The following TTC29 variants were observed in gnomAD, a reference collection of about 807,000 sequenced individuals.
The protein encoded by TTC29 is tetratricopeptide repeat domain 29.
A neutral mutation model predicts 58.1 loss-of-function variants in TTC29; 49 were observed. That is an observed-to-expected ratio of 0.84 (90% confidence interval 0.67 to 1.07). The LOEUF is 1.07. Among genes scored for constraint, TTC29 ranks in the 50% least tolerant of loss-of-function variants. The pLI, the probability that TTC29 is intolerant of heterozygous loss-of-function variation, is 0.00. For missense variants in TTC29, 582 were observed against 555.6 expected, an observed-to-expected ratio of 1.05 and a Z score of -0.48; for synonymous variants, 209 against 196.8, an observed-to-expected ratio of 1.06 and a Z score of -0.52.
chr4:146,844,030 AT>A (rs1430396529), intron 8 of TTC29, among the ~76,000 whole-genome samples: 13 of 152,200 alleles, frequency 8.5e-5, no homozygotes, highest in Non-Finnish European at 1.6e-4. Flanking sequence ...AAAATAGCAA[AT>A]TTTTGTTTTA....
Position 146,890,244 on chromosome 4 carries a change from G to C in TTC29, c.586+13300C>G, listed in dbSNP as rs1288717841. 2.0e-5 allele frequency among the ~76,000 whole-genome samples: 3 copies of C among 152,112 alleles called. No homozygotes were observed. The South Asian group carries it at 6.2e-4, about 32-fold the overall frequency. On this transcript the variant is annotated intron_variant, in intron 6 of 12. Transcript: ENST00000325106. Reference sequence around the variant, plus strand: ...GAGGTCACATTCATAAGTACTGGGGGTTAAGAGCTCAACATCTTTTAAGGG... The same window carrying C: ...GAGGTCACATTCATAAGTACTGGGGCTTAAGAGCTCAACATCTTTTAAGGG...
chr4:146,729,273 G>A (rs1020052629), intron 11 of TTC29, among the ~76,000 whole-genome samples: 2 of 151,886 alleles, frequency 1.3e-5, no homozygotes, highest in Non-Finnish European at 1.5e-5. Flanking sequence ...TTTCATTTAC[G>A]TTTCTCCTAA....
intron 7 of TTC29, among the ~76,000 whole-genome samples, chr4:146,868,724 G>T (rs956799507): frequency 1.3e-5 from 2 of 152,094 alleles, no homozygotes; most frequent in African/African-American, 4.8e-5. Flanking sequence ...TAATGCAAAT[G>T]CTGAGTGATC....
At chr4:146,868,240 G>A (rs555337770) in intron 7 of TTC29, among the ~76,000 whole-genome samples, 62 of 152,232 alleles carry the variant, frequency 4.1e-4, no homozygotes, top group African/African-American at 1.5e-3. Flanking sequence ...GGGGAGTGGG[G>A]AGGGGTAGCA....
At chr4:146,709,787 C>T (rs532186561) in intron 11 of TTC29, among the ~76,000 whole-genome samples, 18 of 152,206 alleles carry the variant, frequency 1.2e-4, no homozygotes, top group African/African-American at 4.1e-4. Flanking sequence ...TTTCTGGCTT[C>T]ATAGAGGAAA....
chr4:146,788,464 T>A (rs1361093050), intron 11 of TTC29, among the ~76,000 whole-genome samples: 1 of 152,198 alleles, frequency 6.6e-6, no homozygotes, highest in Non-Finnish European at 1.5e-5. Flanking sequence ...ACATCAAATG[T>A]GCCAGATTGG....
intron 8 of TTC29, among the ~76,000 whole-genome samples, chr4:146,837,983 A>G (rs1204473070): frequency 6.6e-6 from 1 of 152,048 alleles, no homozygotes; most frequent in Non-Finnish European, 1.5e-5. Flanking sequence ...CAAAGTTACC[A>G]AAGTTGGCAA....
intron 7 of TTC29, among the ~76,000 whole-genome samples, chr4:146,869,376 CCT>C (rs1730784352): frequency 6.6e-6 from 1 of 152,070 alleles, no homozygotes; most frequent in South Asian, 2.1e-4. Flanking sequence ...TAGCTATTTC[CCT>C]GATTGCAGAG....
At chr4:146,939,047 C>T (rs940363037) in intron 3 of TTC29, among the ~76,000 whole-genome samples, 5 of 152,112 alleles carry the variant, frequency 3.3e-5, no homozygotes, top group African/African-American at 1.2e-4. Flanking sequence ...ATTTTCAAGC[C>T]CCAGCATCAT....
At chr4:146,834,000 C>A (rs1579788369) in intron 8 of TTC29, 103 bp from the exon 9 acceptor site, 2 of 713,926 alleles carry the variant, frequency 2.8e-6, no homozygotes, top group South Asian at 5.0e-5. Flanking sequence ...GTTTTAATGT[C>A]TCTATAAAAA....
intron 10 of TTC29, among the ~76,000 whole-genome samples, chr4:146,812,547 T>C (rs1751094771): frequency 6.6e-6 from 1 of 152,206 alleles, no homozygotes; most frequent in Non-Finnish European, 1.5e-5. Context: ...TTAGATCTTA[T>C]TTATAAGTGC....
intron 5 of TTC29, among the ~76,000 whole-genome samples, chr4:146,905,324 G>GTATA (rs10533850): frequency 1.9e-3 from 285 of 147,224 alleles, no homozygotes; most frequent in Middle Eastern, 3.6e-3. Flanking sequence ...TTAATAAAAA[G>GTATA]TATATATATA....
intron 10 of TTC29, among the ~76,000 whole-genome samples, chr4:146,805,714 C>G (rs1019189494): frequency 6.6e-6 from 1 of 151,848 alleles, no homozygotes; most frequent in Non-Finnish European, 1.5e-5. Flanking sequence ...ATAAATAAAG[C>G]CTCCAAGAAA....
At chr4:146,881,364 T>A (rs1731612732) in intron 6 of TTC29, among the ~76,000 whole-genome samples, 1 of 152,162 alleles carries the variant, frequency 6.6e-6, no homozygotes, top group African/African-American at 2.4e-5. Flanking sequence ...GCATATTTAG[T>A]TCAAAATTGT....
intron 11 of TTC29, among the ~76,000 whole-genome samples, chr4:146,746,628 G>T (rs1195955037): frequency 6.6e-6 from 1 of 152,168 alleles, no homozygotes; most frequent in Non-Finnish European, 1.5e-5. Context: ...TTTTTATTGT[G>T]TGTGTGAGGA....
chr4:146,888,358 C>A (rs563923107), intron 6 of TTC29, among the ~76,000 whole-genome samples: 133 of 152,114 alleles, frequency 8.7e-4, no homozygotes, highest in African/African-American at 3.2e-3. Context: ...AAAGAGCAGA[C>A]CAGGTGGGGA....
intron 11 of TTC29, among the ~76,000 whole-genome samples, chr4:146,757,876 C>T (rs1453987197): frequency 6.6e-6 from 1 of 151,858 alleles, no homozygotes; most frequent in Non-Finnish European, 1.5e-5. Flanking sequence ...GCATAAATCA[C>T]ACAAGACCTC....
At chr4:146,893,578 C>T (rs1266822068) in intron 6 of TTC29, among the ~76,000 whole-genome samples, 1 of 152,046 alleles carries the variant, frequency 6.6e-6, no homozygotes, top group African/African-American at 2.4e-5. Context: ...ACCATAAAAA[C>T]CCTGGAAGAA....
chr4:146,886,824 G>C (rs78234653), intron 6 of TTC29, among the ~76,000 whole-genome samples: 66 of 152,210 alleles, frequency 4.3e-4, no homozygotes, highest in African/African-American at 1.5e-3. Flanking sequence ...AAGATCTAAA[G>C]ACACAGGTTT....
Sources: gnomAD v4.1 joint callset for allele counts (sites outside exome capture counted in the v4.1 genomes callset) on GRCh38, gnomAD v4.1.1 for gene constraint, MANE v1.5 for transcripts, NCBI Gene and HGNC (gene_info 2026-07-23, HGNC 2026-07-21) for gene names.